The following VPS13D variants were observed in gnomAD, a reference collection of about 807,000 sequenced individuals.
The protein encoded by VPS13D is vacuolar protein sorting 13 homolog D.
A neutral mutation model predicts 461.9 loss-of-function variants in VPS13D; 187 were observed. That is an observed-to-expected ratio of 0.40 (90% CI 0.36 to 0.46). The LOEUF (loss-of-function observed/expected upper bound fraction) is 0.46. Ranked by LOEUF, VPS13D falls within the 20% of genes least tolerant of loss-of-function variation. The pLI is 0.60. For missense variants in VPS13D, 4,711 were observed against 5,364.9 expected, an observed-to-expected ratio of 0.88 and a Z score of 3.81; for synonymous variants, 1,951 against 1,986.3, an observed-to-expected ratio of 0.98 and a Z score of 0.47.
chr1:12,491,552 ATTT>A (rs965398453), intron 67 of VPS13D, among the ~76,000 whole-genome samples: 1 of 150,672 alleles, frequency 6.6e-6, no homozygotes, highest in Non-Finnish European at 1.5e-5. Context: ...TTTACTGTTG[ATTT>A]TTTTTTTAAA....
At chr1:12,367,414 T>C (rs1341713321) in intron 52 of VPS13D, among the ~76,000 whole-genome samples, 1 of 152,184 alleles carries the variant, frequency 6.6e-6, no homozygotes, top group Non-Finnish European at 1.5e-5. Flanking sequence ...TTTTGTGAAG[T>C]TTCCTTTGTT....
At chr1:12,452,279 C>T (rs1392682882) in intron 65 of VPS13D, among the ~76,000 whole-genome samples, 7 of 152,224 alleles carry the variant, frequency 4.6e-5, no homozygotes, top group Non-Finnish European at 8.8e-5. Context: ...TATCTCCAGG[C>T]TTTACTTGTC....
intron 2 of VPS13D, among the ~76,000 whole-genome samples, chr1:12,240,335 C>T (rs1424160150): frequency 1.3e-5 from 2 of 152,078 alleles, no homozygotes; most frequent in Admixed American, 6.6e-5. Context: ...TGGCTCACGC[C>T]TGTAATTCTA....
chr1:12,265,303 T>G (rs971568260), intron 13 of VPS13D, among the ~76,000 whole-genome samples: 3 of 152,184 alleles, frequency 2.0e-5, no homozygotes. Context: ...GTTTCTTTAA[T>G]TAATTGCTTA....
At chr1:12,428,652 T>C (rs930494551) in intron 65 of VPS13D, among the ~76,000 whole-genome samples, 1 of 152,120 alleles carries the variant, frequency 6.6e-6, no homozygotes, top group Non-Finnish European at 1.5e-5. Flanking sequence ...CCACTTGCCA[T>C]GTTAAGAATG....
At chr1:12,367,131 G>C (rs531940266) in intron 52 of VPS13D, among the ~76,000 whole-genome samples, 95 of 152,204 alleles carry the variant, frequency 6.2e-4, no homozygotes, top group Admixed American at 1.4e-3. Flanking sequence ...CTTTAATCTA[G>C]AGTAGTCCCG....
At chr1:12,303,884 G>C (rs1642490609) in intron 25 of VPS13D, among the ~76,000 whole-genome samples, 1 of 152,238 alleles carries the variant, frequency 6.6e-6, no homozygotes, top group South Asian at 2.1e-4. Context: ...AAGGTACTAA[G>C]TGTGTAAGAA....
chr1:12,434,394 G>A (rs1324798888), intron 65 of VPS13D, among the ~76,000 whole-genome samples: 1 of 152,144 alleles, frequency 6.6e-6, no homozygotes, highest in Non-Finnish European at 1.5e-5. Flanking sequence ...CACAGCGTGT[G>A]CTCTTAAAGT....
rs766554173 is a variant in VPS13D at position 12,353,928 on chromosome 1, G to T, written c.9432-46G>T. 4.4e-6 allele frequency: 7 copies of T among 1,580,772 alleles called. No homozygotes were observed. The South Asian group carries it at 8.0e-5, about 18-fold the overall frequency. On this transcript the variant is annotated intron_variant, in intron 46 of 69. Transcript: ENST00000620676. ...ACTTAGCTAAGGAGAAAAAATTTAA[G>T]TTCTTCATTAAGTCTGATGATTTTT...
At chr1:12,447,934 T>C (rs1645213841) in intron 65 of VPS13D, among the ~76,000 whole-genome samples, 1 of 152,200 alleles carries the variant, frequency 6.6e-6, no homozygotes, top group South Asian at 2.1e-4. Context: ...ATGAGGTGAT[T>C]TCCATAGTTT....
intron 66 of VPS13D, among the ~76,000 whole-genome samples, chr1:12,457,414 G>A (rs1645344240): frequency 6.6e-6 from 1 of 152,218 alleles, no homozygotes; most frequent in South Asian, 2.1e-4. Context: ...TCTGGGTTGT[G>A]TATGTCACCA....
At chr1:12,457,720 G>C (rs1239689134) in intron 66 of VPS13D, among the ~76,000 whole-genome samples, 1 of 152,182 alleles carries the variant, frequency 6.6e-6, no homozygotes, top group East Asian at 1.9e-4. Flanking sequence ...TTGTTTATCA[G>C]CTTTCCTAAT....
At chr1:12,368,294 A>G (rs1232773593) in intron 52 of VPS13D, among the ~76,000 whole-genome samples, 174 bp from the exon 53 acceptor site, 2 of 152,220 alleles carry the variant, frequency 1.3e-5, no homozygotes, top group Non-Finnish European at 2.9e-5. Context: ...TTTTGTAATC[A>G]TATTACCAAT....
intron 5 of VPS13D, among the ~76,000 whole-genome samples, chr1:12,247,729 A>T (rs1249811734): frequency 7.7e-6 from 1 of 130,452 alleles, no homozygotes; most frequent in Admixed American, 8.4e-5. Flanking sequence ...TTTGAGACGG[A>T]GTCTCCCTCT....
At chr1:12,471,520 G>A (rs973035908) in intron 67 of VPS13D, among the ~76,000 whole-genome samples, 1 of 151,950 alleles carries the variant, frequency 6.6e-6, no homozygotes, top group Non-Finnish European at 1.5e-5. Flanking sequence ...CAACACTTTG[G>A]GCTGTTTCTT....
rs114718002 is a variant in VPS13D, at chr1:12,479,585, A to T, written c.12663-17915A>T. Among the ~76,000 whole-genome samples, 541 of 152,300 alleles carry T rather than the reference A, an allele frequency of 3.6e-3. 3 individuals carry two copies. The highest frequency in any genetic ancestry group is 0.013 in the African/African-American group (521 of 41,550). On this transcript the variant is annotated intron_variant, in intron 67 of 69. Coordinates refer to ENST00000620676, the MANE Select transcript of VPS13D (RefSeq NM_015378.4). ...AAGTTGAGGCACACAGGGGATACGTAACTTGTCTAAGATCTCAGAGGTAGT... is the reference window on the plus strand; with the variant it reads ...AAGTTGAGGCACACAGGGGATACGTTACTTGTCTAAGATCTCAGAGGTAGT...
At position 12,275,965 on chromosome 1, in the gene VPS13D, C is replaced by T. The variant is rs1641599351; in HGVS notation, c.2377C>T (p.Pro793Ser). Residue 793 changes from proline to serine, a missense_variant, in exon 19 of 70, where the codon CCC becomes TCC. Pro to Ser is a moderately conservative substitution (Grantham distance 74, BLOSUM62 -1). Around this residue, in one of 3 missense-constraint regions of VPS13D, gnomAD observed 4,411 missense variants for 4,937.8 expected, o/e 0.89. Transcript: ENST00000620676. ...CAGCAGCAACGGAGAGAAAACACCTCCCTTTTCTGGAGTTGAGTTCAGTGA... is the reference window on the plus strand; with the variant it reads ...CAGCAGCAACGGAGAGAAAACACCTTCCTTTTCTGGAGTTGAGTTCAGTGA... ...SSSSNGEKTP[P>S]FSGVEFSEEQ... The T allele has an allele frequency of 7.4e-6, 12 of 1,614,006 alleles. No homozygotes were observed. In the East Asian group the frequency reaches 2.7e-4, roughly 36 times the overall value.
At chr1:12,319,682 G>A (rs1424250259) in intron 32 of VPS13D, 52 bp downstream of exon 32, 2 of 1,610,418 alleles carry the variant, frequency 1.2e-6, no homozygotes, top group Non-Finnish European at 1.7e-6. Context: ...CACGAGCAAA[G>A]CATCTGGAAG....
intron 30 of VPS13D, among the ~76,000 whole-genome samples, chr1:12,317,746 T>TA (rs549808083): frequency 9.5e-5 from 14 of 147,736 alleles, no homozygotes; most frequent in African/African-American, 2.5e-4. Flanking sequence ...CCCTGTCTCT[T>TA]AAAAAAAAAA....
Sources: gnomAD v4.1 joint callset for allele counts (sites outside exome capture counted in the v4.1 genomes callset) on GRCh38, gnomAD v4.1.1 for gene constraint, gnomAD v4.1.1 regional missense constraint, MANE v1.5 for transcripts, NCBI Gene and HGNC (gene_info 2026-07-23, HGNC 2026-07-21) for gene names.